The following MEGF6 variants were observed in gnomAD, a reference collection of about 807,000 sequenced individuals.
MEGF6 encodes multiple epidermal growth factor-like domains protein 6.
A neutral mutation model predicts 207.1 loss-of-function variants in MEGF6; 184 were observed. The ratio of observed to expected loss-of-function variants is 0.89; its 90% CI spans 0.79 to 1.00. The LOEUF (loss-of-function observed/expected upper bound fraction) is 1.00. Among genes scored for constraint, MEGF6 ranks in the 50% least tolerant of loss-of-function variants. The probability of loss-of-function intolerance (pLI) is 0.00; values close to 1 mark genes in which losing one functional copy is unlikely to be tolerated. For synonymous variants in MEGF6, 1,038 were observed against 910.0 expected, an observed-to-expected ratio of 1.14 and a Z score of -2.53; for missense variants, 2,282 against 2,202.9, an observed-to-expected ratio of 1.04 and a Z score of -0.72.
intron 29 of MEGF6, among the ~76,000 whole-genome samples, 156 bp downstream of exon 29, chr1:3,496,499 G>A (rs895309404): frequency 1.3e-5 from 2 of 152,236 alleles, no homozygotes; most frequent in African/African-American, 4.8e-5. Flanking sequence ...GGTCCTTTCT[G>A]CCCCTCTGGC....
intron 5 of MEGF6, among the ~76,000 whole-genome samples, chr1:3,520,078 G>A (rs865797633): frequency 5.9e-5 from 9 of 152,360 alleles, no homozygotes; most frequent in African/African-American, 1.4e-4. Context: ...GAAGGACAGC[G>A]GGCCCACCTC....
intron 1 of MEGF6, among the ~76,000 whole-genome samples, chr1:3,603,544 C>G (rs901577907): frequency 6.6e-6 from 1 of 152,134 alleles, no homozygotes; most frequent in Admixed American, 6.5e-5. Context: ...GACTTGCTCC[C>G]CAGAACCAGG....
rs1640576159 is a variant in MEGF6, at chr1:3,495,874, T to C, written c.3871+16A>G. The C allele has an allele frequency of 1.9e-6, 3 of 1,594,480 alleles. No homozygotes were observed. The highest frequency in any genetic ancestry group is 2.5e-6 in the Non-Finnish European group (3 of 1,179,012). ...GTGAAGGGCCTGTGAGCATGCCCTC[T>C]GGAGTGAACACTCACCTCGCTCACA... On this transcript the variant is annotated intron_variant, in intron 30 of 36. Transcript: ENST00000356575.
rs764981678 is a variant in MEGF6 at position 3,611,270 on chromosome 1, G to T, written c.-2C>A. On this transcript the variant is annotated 5_prime_UTR_variant, in exon 1 of 37. Coordinates refer to ENST00000356575, the MANE Select transcript of MEGF6 (RefSeq NM_001409.4). ...CCTCGCCTCTTCAAGGAACGACATC[G>T]TGCGCGCCGGTGCCTCCTCCGCTCT... 18 of 1,464,662 alleles carry T rather than the reference G, an allele frequency of 1.2e-5. No homozygotes were observed. The highest frequency in any genetic ancestry group is 1.6e-5 in the Non-Finnish European group (18 of 1,116,264). The allele number at this position is 1,464,662 out of a possible 1,614,324, so 90.7% of individuals were successfully genotyped here.
rs1375552777 is a variant in MEGF6, at chr1:3,512,182, A to G, written c.854-54T>C. 2.6e-6 allele frequency: 4 copies of G among 1,552,838 alleles called. No individual in the cohort carries two copies. The African/African-American group carries it at 4.1e-5, about 16-fold the overall frequency. ...CAGAGGTGCCAGGAAGGGCCTTTGC[A>G]TGGGACCAGTGGAAGACAGTGCACG... On this transcript the variant is annotated intron_variant, in intron 7 of 36. Coordinates refer to ENST00000356575, the MANE Select transcript of MEGF6 (RefSeq NM_001409.4).
chr1:3,531,265 C>T, intron 4 of MEGF6: 2 of 1,360,080 alleles, frequency 1.5e-6, no homozygotes, highest in Non-Finnish European at 1.9e-6. Flanking sequence ...GGCCGGCGGG[C>T]GGGAGGGGGC....
chr1:3,609,883 C>A (rs569631762), intron 1 of MEGF6, among the ~76,000 whole-genome samples: 1 of 152,206 alleles, frequency 6.6e-6, no homozygotes. Flanking sequence ...GCAGAGACAG[C>A]GGGACATCCA....
At chr1:3,622,243 G>A in the MEGF6 span, among the ~76,000 whole-genome samples, 3 of 152,136 alleles carry the variant, frequency 2.0e-5, no homozygotes, top group Non-Finnish European at 4.4e-5. Flanking sequence ...GGAGGTGATT[G>A]GAGCATGGGG....
At chr1:3,611,513 C>G (rs908844363), upstream of MEGF6, 13 of 438,194 alleles carry the variant, frequency 3.0e-5, no homozygotes, top group East Asian at 1.2e-4. Context: ...CACAGTGCCC[C>G]GGACTCAGAG....
At chr1:3,492,859 C>T in intron 34 of MEGF6, 92 bp from the exon 35 acceptor site, 1 of 1,514,220 alleles carries the variant, frequency 6.6e-7, no homozygotes, top group Admixed American at 2.0e-5. Flanking sequence ...GCGGCAGAGC[C>T]CAGGTGGAGT....
rs765681621 is a variant in MEGF6 at position 3,496,024 on chromosome 1, G to A, written c.3743-6C>T. ...GAAGCGGCCCTGCGGACAGGCTGCC[G>A]GGGAGGAAGTGGTGATCGTGGCTGG... On this transcript the variant is annotated splice_polypyrimidine_tract_variant and splice_region_variant and intron_variant, in intron 29 of 36. Coordinates refer to ENST00000356575, the MANE Select transcript of MEGF6 (RefSeq NM_001409.4). The A allele has an allele frequency of 9.4e-5, 142 of 1,510,392 alleles. 1 individual carries two copies. Among genetic ancestry groups the A allele is most frequent in the East Asian group, 9.1e-4 (38 of 41,940 alleles). The allele number at this position is 1,510,392 out of a possible 1,614,324, so 93.6% of individuals were successfully genotyped here.
chr1:3,494,509 G>T lies in MEGF6; in HGVS notation c.4001-10C>A. The T allele has an allele frequency of 6.3e-7, 1 of 1,584,852 alleles. No individual in the cohort carries two copies. ...CGCCCAGGGGGACAGGCTGGGGACA[G>T]GGCAGGGTGGGCAGTCCTTCGGCAC... is the stretch of plus-strand genomic sequence containing the variant. On this transcript the variant is annotated splice_polypyrimidine_tract_variant and intron_variant, in intron 31 of 36. Coordinates refer to ENST00000356575, the MANE Select transcript of MEGF6 (RefSeq NM_001409.4).
Position 3,560,810 on chromosome 1 carries a change from G to A in MEGF6, c.481+19015C>T. On this transcript the variant is annotated intron_variant, in intron 4 of 36. Coordinates refer to ENST00000356575, the MANE Select transcript of MEGF6 (RefSeq NM_001409.4). This position sits in a 1 kb window ranked among gnomAD's most constrained non-coding sequence, Gnocchi z 4.0. Reference sequence around the variant, plus strand: ...GTCCCCTCTGGCAGCCACCGGAGCAGCCAGGAACAGCCTCAGGCGTCGGCC... The same window carrying A: ...GTCCCCTCTGGCAGCCACCGGAGCAACCAGGAACAGCCTCAGGCGTCGGCC... 2.1e-6 allele frequency: 1 copy of A among 466,702 alleles called. No homozygotes were observed. The highest frequency in any genetic ancestry group is 1.6e-5 in the South Asian group (1 of 63,708). The allele number at this position is 466,702 out of a possible 1,614,324, so 28.9% of individuals were successfully genotyped here.
intron 13 of MEGF6, among the ~76,000 whole-genome samples, 183 bp downstream of exon 13, chr1:3,508,375 A>G (rs1157993183): frequency 6.6e-6 from 1 of 152,200 alleles, no homozygotes; most frequent in Non-Finnish European, 1.5e-5. Context: ...CGTGGCATAG[A>G]GTGGACAGTC....
chr1:3,514,877 G>A (rs947348), intron 6 of MEGF6, among the ~76,000 whole-genome samples: 11,569 of 152,180 alleles, frequency 0.076, 606 homozygotes, highest in Admixed American at 0.13. Flanking sequence ...CTCAGGACGC[G>A]GCCAGCCAGC....
upstream of MEGF6, among the ~76,000 whole-genome samples, chr1:3,611,852 C>G (rs1644332510): frequency 6.6e-6 from 1 of 151,856 alleles, no homozygotes; most frequent in African/African-American, 2.4e-5. Context: ...CAAGTCCTAA[C>G]CGACTCCAGT....
In MEGF6 at chr1:3,490,372, G is replaced by T; in HGVS notation, c.*156C>A. ...CAAGGCCACACCAGCCTCCAAGAGC[G>T]ACAGGTTGCTGGGCTGTCCACAGCC... On this transcript the variant is annotated 3_prime_UTR_variant, in exon 37 of 37. Coordinates refer to ENST00000356575, the MANE Select transcript of MEGF6 (RefSeq NM_001409.4). 2.6e-6 allele frequency: 2 copies of T among 781,744 alleles called. No individual in the cohort carries two copies. The highest frequency in any genetic ancestry group is 2.9e-5 in the East Asian group (1 of 34,204). The allele number at this position is 781,744 out of a possible 1,614,324, so 48.4% of individuals were successfully genotyped here. A position where few individuals can be genotyped will look rare whatever the true frequency, so the allele number is the denominator to read the frequency against.
intron 4 of MEGF6, among the ~76,000 whole-genome samples, chr1:3,531,852 T>TGCAGAG (rs1642188555): frequency 1.3e-5 from 2 of 150,902 alleles, no homozygotes; most frequent in Admixed American, 1.3e-4. Context: ...GAGGGGGGCC[T>TGCAGAG]GCAGAGGCGG....
In MEGF6 at chr1:3,500,667, A is replaced by T. The variant is rs1445826428; in HGVS notation, c.2673T>A (p.Cys891Ter). The change falls in exon 21 of 37, where the codon TGT becomes TGA. Residue 891 changes from cysteine (C) to a stop codon, truncating the protein, a stop_gained. Coordinates refer to ENST00000356575, the MANE Select transcript of MEGF6 (RefSeq NM_001409.4). LOFTEE classifies it high-confidence loss of function. The part of the protein sequence containing the change: ...SCDAISGLCL[C>*]EAGYVGPRCE... ...ACCGCGGGCCCACGTAGCCAGCCTC[A>T]CACAGACACAGGCCGCTGATGGCAT... 1 of 1,570,264 alleles carries T rather than the reference A, an allele frequency of 6.4e-7. No individual in the cohort carries two copies. The highest frequency in any genetic ancestry group is 2.4e-5 in the East Asian group (1 of 42,210).
Sources: gnomAD v4.1 joint callset for allele counts (sites outside exome capture counted in the v4.1 genomes callset) on GRCh38, gnomAD v4.1.1 for gene constraint, Gnocchi (gnomAD v3.1) non-coding constraint, MANE v1.5 for transcripts, NCBI Gene and HGNC (gene_info 2026-07-23, HGNC 2026-07-21) for gene names.